Variants in OR14J1 observed in about 807,000 individuals in gnomAD.
The protein encoded by OR14J1 is olfactory receptor 14J1.
For missense variants in OR14J1, 378 were observed against 393.4 expected (o/e 0.96, Z 0.33); for synonymous variants, 140 against 146.7 (o/e 0.95, Z 0.33).
Position 29,306,741 on chromosome 6 carries a change from G to A in OR14J1, c.52G>A (p.Glu18Lys), listed in dbSNP as rs141366217. The change falls in exon 2 of 2, where the codon GAG (glutamate) becomes AAG (lysine). Residue 18 changes from glutamate (E) to lysine (K), a missense_variant. Glu to Lys is a moderately conservative substitution (Grantham distance 56, BLOSUM62 1). Transcript: ENST00000641895. Reference sequence around the variant, plus strand: ...ATTCCTTCTTATGGGGTTTTCTGATGAGCGTAAGCTTCAGATTTTACATGC... The same window carrying A: ...ATTCCTTCTTATGGGGTTTTCTGATAAGCGTAAGCTTCAGATTTTACATGC... ...SGFLLMGFSDERKLQILHALV... is the reference protein window; with the variant it reads ...SGFLLMGFSDKRKLQILHALV... 2 of 1,612,998 alleles carry A rather than the reference G, an allele frequency of 1.2e-6. No individual in the cohort carries two copies. Among genetic ancestry groups the A allele is most frequent in the Non-Finnish European group, 1.7e-6 (2 of 1,179,996 alleles).
At chr6:29,304,053 T>C (rs1300186442) in intron 1 of OR14J1, among the ~76,000 whole-genome samples, 2 of 152,146 alleles carry the variant, frequency 1.3e-5, no homozygotes, top group African/African-American at 4.8e-5. Flanking sequence ...TGGAATTAAA[T>C]CATGTTAGAG....
In OR14J1 at chr6:29,307,218, T is replaced by C; in HGVS notation, c.529T>C (p.Cys177Arg). The change falls in exon 2 of 2, where the codon TGT (cysteine) becomes CGT (arginine). Residue 177 changes from cysteine (C) to arginine (R), a missense_variant. Physicochemically the swap from Cys to Arg is radical, Grantham distance 180. Coordinates refer to ENST00000641895, the MANE Select transcript of OR14J1 (RefSeq NM_030946.2). ...CGKRVIHQFF[C>R]DVPQMLKLAC... ...GAAGAGAGTCATTCACCAATTCTTC[T>C]GTGATGTTCCTCAGATGCTGAAACT... 3 of 1,613,102 alleles carry C rather than the reference T, an allele frequency of 1.9e-6. No homozygotes were observed. Among genetic ancestry groups the C allele is most frequent in the Non-Finnish European group, 2.5e-6 (3 of 1,180,032 alleles).
At position 29,308,662 on chromosome 6, in the gene OR14J1, T is replaced by G. The variant is rs576990839; in HGVS notation, c.*1007T>G. ...ATTTTGTGTAATGCTGCAGATTTCT[T>G]CAAGAAAGACTCATAATTTACAAGA... On this transcript the variant is annotated 3_prime_UTR_variant, in exon 2 of 2. Transcript: ENST00000641895. 6.6e-6 allele frequency: 1 copy of G among 152,288 alleles called. No homozygotes were observed. The highest frequency in any genetic ancestry group is 1.9e-4 in the East Asian group (1 of 5,176). 9.4% of individuals were successfully genotyped at this position (152,288 alleles called of 1,614,324 possible).
At position 29,306,659 on chromosome 6, in the gene OR14J1, C is replaced by A; in HGVS notation, c.-28-3C>A. 1 of 1,447,942 alleles carries A rather than the reference C, an allele frequency of 6.9e-7. No individual in the cohort carries two copies. The highest frequency in any genetic ancestry group is 9.6e-7 in the Non-Finnish European group (1 of 1,040,854). 89.7% of individuals were successfully genotyped at this position (1,447,942 alleles called of 1,614,324 possible). A position where few individuals can be genotyped will look rare whatever the true frequency, so the allele number is the denominator to read the frequency against. On this transcript the variant is annotated splice_region_variant and splice_polypyrimidine_tract_variant and intron_variant, in intron 1 of 1. Coordinates refer to ENST00000641895, the MANE Select transcript of OR14J1 (RefSeq NM_030946.2). Reference sequence around the variant, plus strand: ...TTCCTACTGTCTTTGGCTTCCTAAACAGAGTCACACTTGGTATCTTCAGAG... The same window carrying A: ...TTCCTACTGTCTTTGGCTTCCTAAAAAGAGTCACACTTGGTATCTTCAGAG...
chr6:29,308,357 G>A lies in OR14J1; in HGVS notation c.*702G>A, dbSNP rs1775261432. 1 of 152,140 alleles carries A rather than the reference G, an allele frequency of 6.6e-6. No homozygotes were observed. The highest frequency in any genetic ancestry group is 1.5e-5 in the Non-Finnish European group (1 of 68,004). 9.4% of individuals were successfully genotyped at this position (152,140 alleles called of 1,614,324 possible). The stretch of plus-strand genomic sequence containing the variant: ...TGTGAGTGTGTATGTTTATGTGTGT[G>A]TGTGATGTGTATAATCTATAAATAT... On this transcript the variant is annotated 3_prime_UTR_variant, in exon 2 of 2. Transcript: ENST00000641895.
intron 1 of OR14J1, among the ~76,000 whole-genome samples, chr6:29,306,098 C>T (rs1400233245): frequency 6.6e-6 from 1 of 152,070 alleles, no homozygotes; most frequent in Non-Finnish European, 1.5e-5. Context: ...TTTCATTTTT[C>T]AAAATTTCTA....
chr6:29,304,060 A>G (rs1774900959), intron 1 of OR14J1, among the ~76,000 whole-genome samples: 1 of 152,184 alleles, frequency 6.6e-6, no homozygotes, highest in East Asian at 1.9e-4. Flanking sequence ...AAATCATGTT[A>G]GAGATCATTT....
At chr6:29,302,113 G>T (rs187998889) in intron 1 of OR14J1, among the ~76,000 whole-genome samples, 1 of 149,670 alleles carries the variant, frequency 6.7e-6, no homozygotes, top group African/African-American at 2.4e-5. Context: ...AGACAATGTA[G>T]CTGTGTTAAA....
In OR14J1 at chr6:29,306,731, G is replaced by A. The variant is rs1012531991; in HGVS notation, c.42G>A (p.Gly14=). Residue 14 remains glycine (G), a synonymous_variant, in exon 2 of 2, where the codon GGG becomes GGA. Coordinates refer to ENST00000641895, the MANE Select transcript of OR14J1 (RefSeq NM_030946.2). The stretch of plus-strand genomic sequence containing the variant: ...CAATGAGTGGATTCCTTCTTATGGG[G>A]TTTTCTGATGAGCGTAAGCTTCAGA... The part of the protein sequence containing the change: ...LTSMSGFLLM[G]FSDERKLQIL... 1.9e-6 allele frequency: 3 copies of A among 1,612,968 alleles called. No individual in the cohort carries two copies. Among genetic ancestry groups the A allele is most frequent in the Non-Finnish European group, 2.5e-6 (3 of 1,179,984 alleles).
At chr6:29,304,427 A>G (rs1319456618) in intron 1 of OR14J1, among the ~76,000 whole-genome samples, 1 of 152,180 alleles carries the variant, frequency 6.6e-6, no homozygotes, top group Non-Finnish European at 1.5e-5. Context: ...TGAAAGAATC[A>G]TTATACTCTC....
chr6:29,307,038 T>C lies in OR14J1; in HGVS notation c.349T>C (p.Ser117Pro), dbSNP rs768437208. ...AGAAGTGGCCATTCTCACAGTGATG[T>C]CTTATGACAGGTACGCAGCAATCTG... is the stretch of plus-strand genomic sequence containing the variant. ...SSEVAILTVM[S>P]YDRYAAICQP... The change falls in exon 2 of 2, where the codon TCT (serine) becomes CCT (proline). Residue 117 changes from serine to proline, a missense_variant. Physicochemically the swap from Ser to Pro is moderately conservative, Grantham distance 74. Coordinates refer to ENST00000641895, the MANE Select transcript of OR14J1 (RefSeq NM_030946.2). 6.2e-7 allele frequency: 1 copy of C among 1,613,060 alleles called. No homozygotes were observed.
At chr6:29,303,769 A>G (rs562089790) in intron 1 of OR14J1, among the ~76,000 whole-genome samples, 52 of 151,608 alleles carry the variant, frequency 3.4e-4, no homozygotes, top group Middle Eastern at 6.8e-3. Context: ...CTATCAACAG[A>G]GCATAGTGAA....
Position 29,307,817 on chromosome 6 carries a change from C to T in OR14J1, c.*162C>T, listed in dbSNP as rs538290613. ...GTTGTGCTCTAATAATATTAGCTTTCCTTCCTCCCTCCAATTCAAGTGTTA... is the reference window on the plus strand; with the variant it reads ...GTTGTGCTCTAATAATATTAGCTTTTCTTCCTCCCTCCAATTCAAGTGTTA... On this transcript the variant is annotated 3_prime_UTR_variant, in exon 2 of 2. Coordinates refer to ENST00000641895, the MANE Select transcript of OR14J1 (RefSeq NM_030946.2). The T allele has an allele frequency of 1.6e-5, 8 of 502,798 alleles. No individual in the cohort carries two copies. The highest frequency in any genetic ancestry group is 2.7e-5 in the Non-Finnish European group (8 of 292,308). The allele number at this position is 502,798 out of a possible 1,614,324, so 31.1% of individuals were successfully genotyped here.
intron 1 of OR14J1, among the ~76,000 whole-genome samples, chr6:29,303,360 A>T (rs1299108534): frequency 1.3e-5 from 2 of 152,254 alleles, no homozygotes; most frequent in East Asian, 3.8e-4. Context: ...CATAGAGCCA[A>T]TGGAAGTCAG....
intron 1 of OR14J1, 105 bp from the exon 2 acceptor site, chr6:29,306,557 T>C: frequency 1.5e-6 from 1 of 667,748 alleles, no homozygotes; most frequent in Admixed American, 2.4e-5. Flanking sequence ...TGAAAATAAA[T>C]TCATCTCATT....
At chr6:29,305,647 G>A (rs988186234) in intron 1 of OR14J1, among the ~76,000 whole-genome samples, 1 of 151,990 alleles carries the variant, frequency 6.6e-6, no homozygotes, top group African/African-American at 2.4e-5. Flanking sequence ...TGATGGTGTT[G>A]ATTCTATAAT....
At chr6:29,305,753 T>G (rs1445656873) in intron 1 of OR14J1, among the ~76,000 whole-genome samples, 1 of 152,046 alleles carries the variant, frequency 6.6e-6, no homozygotes, top group Non-Finnish European at 1.5e-5. Context: ...TTTGGTTGGT[T>G]ATTTTAAGAA....
chr6:29,306,870 T>G lies in OR14J1; in HGVS notation c.181T>G (p.Leu61Val). 1 of 1,613,104 alleles carries G rather than the reference T, an allele frequency of 6.2e-7. No individual in the cohort carries two copies. The highest frequency in any genetic ancestry group is 8.5e-7 in the Non-Finnish European group (1 of 1,180,018). ...RRLHSPMYYF[L>V]KHLSLLDLCF... ...TCTCCATTCCCCCATGTATTACTTT[T>G]TAAAGCACCTCTCTCTTCTGGACCT... Residue 61 changes from leucine (L) to valine (V), a missense_variant, in exon 2 of 2, where the codon TTA (leucine) becomes GTA (valine). Leu to Val is a conservative substitution (Grantham distance 32). Transcript: ENST00000641895.
At position 29,307,260 on chromosome 6, in the gene OR14J1, T is replaced by C; in HGVS notation, c.571T>C (p.Phe191Leu). The C allele has an allele frequency of 6.2e-7, 1 of 1,613,010 alleles. No individual in the cohort carries two copies. Among genetic ancestry groups the C allele is most frequent in the Non-Finnish European group, 8.5e-7 (1 of 1,180,010 alleles). ...QMLKLACSYEFINEIALAAFT... is the reference protein window; with the variant it reads ...QMLKLACSYELINEIALAAFT... ...GCTGAAACTAGCCTGTTCTTATGAA[T>C]TCATTAATGAGATTGCACTGGCTGC... Residue 191 changes from phenylalanine to leucine, a missense_variant, in exon 2 of 2, where the codon TTC (phenylalanine) becomes CTC (leucine). Phe to Leu is a conservative substitution (Grantham distance 22). Transcript: ENST00000641895.
Sources: gnomAD v4.1 joint callset for allele counts (sites outside exome capture counted in the v4.1 genomes callset) on GRCh38, gnomAD v4.1.1 for gene constraint, MANE v1.5 for transcripts, NCBI Gene and HGNC (gene_info 2026-07-23, HGNC 2026-07-21) for gene names.